CORIN: variants seen among roughly 807,000 people sequenced by gnomAD.
CORIN encodes atrial natriuretic peptide-converting enzyme.
In CORIN, 117 loss-of-function variants were observed where a neutral mutation model predicts 125.3. The ratio of observed to expected loss-of-function variants is 0.93; its 90% CI spans 0.80 to 1.09. The LOEUF (loss-of-function observed/expected upper bound fraction) is 1.09. CORIN is among the 50% of genes least tolerant of loss of function. The probability of loss-of-function intolerance (pLI) is 0.00; values close to 1 mark genes in which losing one functional copy is unlikely to be tolerated. For synonymous variants in CORIN, 450 were observed against 466.4 expected (o/e 0.96, Z 0.45); for missense variants, 1,253 against 1,306.7 (o/e 0.96, Z 0.63).
In CORIN at chr4:47,807,344, C is replaced by T. The variant is rs1158717785; in HGVS notation, c.64-297G>A. ...CATATTTGTCAATTTGGTATGATTC[C>T]AAAGGGCTATGAATGACCATGGCAA... On this transcript the variant is annotated intron_variant, in intron 1 of 21. Coordinates refer to ENST00000273857, the MANE Select transcript of CORIN (RefSeq NM_006587.4). Among the ~76,000 whole-genome samples, 3 of 152,068 alleles carry T rather than the reference C, an allele frequency of 2.0e-5. No individual in the cohort carries two copies. In the South Asian group the frequency reaches 6.2e-4, roughly 32 times the overall value.
intron 5 of CORIN, among the ~76,000 whole-genome samples, chr4:47,732,752 C>T (rs554935121): frequency 1.3e-5 from 2 of 151,978 alleles, no homozygotes; most frequent in Middle Eastern, 3.2e-3. Flanking sequence ...AGTAGAGACG[C>T]GGTTTCACTA....
intron 5 of CORIN, among the ~76,000 whole-genome samples, chr4:47,722,862 C>T (rs1727419583): frequency 6.6e-6 from 1 of 152,156 alleles, no homozygotes; most frequent in Non-Finnish European, 1.5e-5. Flanking sequence ...CAGTAAAGAC[C>T]AGTAAGCGGA....
intron 19 of CORIN, among the ~76,000 whole-genome samples, chr4:47,611,033 C>G (rs1023871291): frequency 6.6e-6 from 1 of 152,082 alleles, no homozygotes; most frequent in African/African-American, 2.4e-5. Flanking sequence ...TAGGGTGATG[C>G]CTCTAGCTTT....
intron 12 of CORIN, among the ~76,000 whole-genome samples, chr4:47,654,113 C>T (rs937836904): frequency 6.6e-6 from 1 of 152,206 alleles, no homozygotes; most frequent in African/African-American, 2.4e-5. Context: ...GTTTGATGTT[C>T]ACCTTTGCCT....
At chr4:47,698,255 G>C (rs1726119163) in intron 5 of CORIN, among the ~76,000 whole-genome samples, 1 of 151,598 alleles carries the variant, frequency 6.6e-6, no homozygotes, top group South Asian at 2.1e-4. Flanking sequence ...TATAGGAGTG[G>C]GGTAATAACA....
chr4:47,779,998 G>A (rs1290056753), intron 3 of CORIN, among the ~76,000 whole-genome samples: 2 of 151,982 alleles, frequency 1.3e-5, no homozygotes, highest in Non-Finnish European at 2.9e-5. Context: ...TTCACTGAGG[G>A]GGAAAAAGCT....
chr4:47,658,597 G>A (rs1023062196), intron 12 of CORIN, among the ~76,000 whole-genome samples: 4 of 152,252 alleles, frequency 2.6e-5, no homozygotes, highest in Non-Finnish European at 5.9e-5. Flanking sequence ...TGGATGCAGG[G>A]AGCAGTGTCC....
chr4:47,643,388 G>A (rs181301314), intron 14 of CORIN, 132 bp from the exon 15 acceptor site: 19 of 741,272 alleles, frequency 2.6e-5, no homozygotes, highest in East Asian at 1.1e-4. Context: ...GCTTCCAAAC[G>A]GGCATAAAAA....
intron 5 of CORIN, among the ~76,000 whole-genome samples, chr4:47,739,963 T>C (rs1292163753): frequency 1.3e-5 from 2 of 151,866 alleles, no homozygotes; most frequent in East Asian, 1.9e-4. Context: ...AAATTTAAAA[T>C]GGCACACCCC....
chr4:47,638,182 A>G (rs1281576082), intron 16 of CORIN, among the ~76,000 whole-genome samples: 1 of 152,160 alleles, frequency 6.6e-6, no homozygotes, highest in Non-Finnish European at 1.5e-5. Context: ...TATTTACCCA[A>G]TGCCTGTACC....
At chr4:47,675,577 C>T (rs1343240058) in intron 9 of CORIN, among the ~76,000 whole-genome samples, 2 of 151,914 alleles carry the variant, frequency 1.3e-5, no homozygotes, top group African/African-American at 2.4e-5. Context: ...TAAGTGCATG[C>T]CATGTGACAA....
chr4:47,728,888 G>C (rs1213778708), intron 5 of CORIN, among the ~76,000 whole-genome samples: 2 of 152,208 alleles, frequency 1.3e-5, no homozygotes, highest in African/African-American at 2.4e-5. Flanking sequence ...CTTGGCAAGA[G>C]AGTGAGAAGA....
At chr4:47,651,704 T>C (rs910219979) in intron 13 of CORIN, among the ~76,000 whole-genome samples, 1 of 152,232 alleles carries the variant, frequency 6.6e-6, no homozygotes, top group Non-Finnish European at 1.5e-5. Flanking sequence ...TTTTAATTTT[T>C]GATAGAGATT....
At chr4:47,794,984 G>A (rs1468996174) in intron 2 of CORIN, among the ~76,000 whole-genome samples, 1 of 152,012 alleles carries the variant, frequency 6.6e-6, no homozygotes, top group African/African-American at 2.4e-5. Context: ...TAAGATAAGG[G>A]TCCCATTTCA....
At chr4:47,778,136 C>G (rs2109900633) in intron 3 of CORIN, among the ~76,000 whole-genome samples, 1 of 152,110 alleles carries the variant, frequency 6.6e-6, no homozygotes, top group East Asian at 1.9e-4. Flanking sequence ...CTCTGTGAAT[C>G]AAAGGTATTA....
At chr4:47,836,424 A>G (rs752022731) in intron 1 of CORIN, among the ~76,000 whole-genome samples, 2 of 152,234 alleles carry the variant, frequency 1.3e-5, no homozygotes, top group African/African-American at 2.4e-5. Context: ...TCCTTGGACA[A>G]TAATCACCAG....
chr4:47,614,698 C>T (rs1722007012), intron 19 of CORIN, among the ~76,000 whole-genome samples: 1 of 151,972 alleles, frequency 6.6e-6, no homozygotes, highest in Non-Finnish European at 1.5e-5. Flanking sequence ...AAATTACAGC[C>T]CTACATACTG....
intron 5 of CORIN, among the ~76,000 whole-genome samples, chr4:47,733,223 A>G (rs771248379): frequency 2.0e-5 from 3 of 152,238 alleles, no homozygotes; most frequent in African/African-American, 4.8e-5. Flanking sequence ...TATTATTTCT[A>G]TTGTAAAGTT....
intron 3 of CORIN, among the ~76,000 whole-genome samples, chr4:47,766,305 A>G (rs764125842): frequency 3.3e-5 from 5 of 152,216 alleles, no homozygotes; most frequent in Non-Finnish European, 7.3e-5. Context: ...GGTGCCAGAA[A>G]CATAGGCTCT....
Sources: gnomAD v4.1 joint callset for allele counts (sites outside exome capture counted in the v4.1 genomes callset) on GRCh38, gnomAD v4.1.1 for gene constraint, MANE v1.5 for transcripts, NCBI Gene and HGNC (gene_info 2026-07-23, HGNC 2026-07-21) for gene names.